The following BTG4 variants were observed in gnomAD, a reference collection of about 807,000 sequenced individuals.
BTG4 encodes BTG anti-proliferation factor 4, also known as protein BTG4.
Under a neutral mutation model 19.3 loss-of-function variants are expected in BTG4, and 10 were observed. That is an observed-to-expected ratio of 0.52 (90% CI 0.32 to 0.88). The LOEUF is 0.88. Ranked by LOEUF, BTG4 falls within the 40% of genes least tolerant of loss-of-function variation. BTG4 has a pLI of 0.04. For missense variants in BTG4, 238 were observed against 281.9 expected, an observed-to-expected ratio of 0.84 and a Z score of 1.11; for synonymous variants, 91 against 95.7, an observed-to-expected ratio of 0.95 and a Z score of 0.29.
chr11:111,480,694 T>C (rs1591473152), intron 5 of BTG4, among the ~76,000 whole-genome samples: 2 of 151,932 alleles, frequency 1.3e-5, no homozygotes, highest in East Asian at 3.9e-4. Context: ...AAAATACTTC[T>C]AAATAATCCA....
downstream of BTG4, among the ~76,000 whole-genome samples, chr11:111,493,033 C>G (rs1297572008): frequency 6.6e-6 from 1 of 152,166 alleles, no homozygotes; most frequent in African/African-American, 2.4e-5. Flanking sequence ...GTAGTCCCAG[C>G]TACTCTGGAG....
chr11:111,423,891 GAGCT>G, the BTG4 span, among the ~76,000 whole-genome samples: 1 of 152,096 alleles, frequency 6.6e-6, no homozygotes, highest in African/African-American at 2.4e-5. Context: ...TCCGAGGCCT[GAGCT>G]CCTTTCAGGG....
chr11:111,422,531 C>T, the BTG4 span, among the ~76,000 whole-genome samples: 1 of 152,208 alleles, frequency 6.6e-6, no homozygotes, highest in African/African-American at 2.4e-5. Context: ...GGCCACCAAG[C>T]GCAGGCTGGA....
chr11:111,451,264 C>T, the BTG4 span: 6 of 373,256 alleles, frequency 1.6e-5, no homozygotes, highest in South Asian at 1.2e-4. Context: ...TTCTATAACA[C>T]ACTGGAGCAA....
At chr11:111,412,958 G>C in the BTG4 span, among the ~76,000 whole-genome samples, 1 of 152,328 alleles carries the variant, frequency 6.6e-6, no homozygotes, top group African/African-American at 2.4e-5. Context: ...CAAATTTTAA[G>C]AGAGTCTTGT....
At chr11:111,398,538 C>T in the BTG4 span, among the ~76,000 whole-genome samples, 7 of 152,144 alleles carry the variant, frequency 4.6e-5, no homozygotes, top group Non-Finnish European at 1.0e-4. Flanking sequence ...ACTGCATGCT[C>T]TGCCTCCTGG....
At chr11:111,459,464 C>A in the BTG4 span, among the ~76,000 whole-genome samples, 2 of 152,228 alleles carry the variant, frequency 1.3e-5, no homozygotes, top group Admixed American at 1.3e-4. Flanking sequence ...TTCTTCCTTT[C>A]TGAATTCAGA....
At chr11:111,447,326 GTCT>G in the BTG4 span, among the ~76,000 whole-genome samples, 1 of 152,208 alleles carries the variant, frequency 6.6e-6, no homozygotes, top group African/African-American at 2.4e-5. Flanking sequence ...CTGGACCGCA[GTCT>G]TCTTTATAAA....
At chr11:111,467,448 T>C (rs983959761), downstream of BTG4, 2 of 478,136 alleles carry the variant, frequency 4.2e-6, no homozygotes, top group African/African-American at 4.0e-5. Flanking sequence ...TTTAAATTAA[T>C]GCCCCAATGC....
the BTG4 span, among the ~76,000 whole-genome samples, chr11:111,401,854 T>A: frequency 7.9e-5 from 12 of 152,332 alleles, no homozygotes; most frequent in East Asian, 2.3e-3. Context: ...TCAGAAAGTA[T>A]GTGTTGAGTG....
At chr11:111,386,726 G>T in the BTG4 span, among the ~76,000 whole-genome samples, 1 of 152,224 alleles carries the variant, frequency 6.6e-6, no homozygotes, top group Non-Finnish European at 1.5e-5. Context: ...TTTAGGTCCA[G>T]TTAGGACAGT....
chr11:111,396,461 A>G, the BTG4 span, among the ~76,000 whole-genome samples: 1 of 152,134 alleles, frequency 6.6e-6, no homozygotes, highest in African/African-American at 2.4e-5. Flanking sequence ...CAGAAAAGTG[A>G]CCACTAATTA....
chr11:111,395,122 T>C, the BTG4 span, among the ~76,000 whole-genome samples: 1 of 152,212 alleles, frequency 6.6e-6, no homozygotes, highest in Non-Finnish European at 1.5e-5. Flanking sequence ...AACCAGGAAG[T>C]AGGGAAGAAA....
chr11:111,384,354 GACA>G, the BTG4 span, among the ~76,000 whole-genome samples: 8 of 151,404 alleles, frequency 5.3e-5, no homozygotes, highest in East Asian at 1.6e-3. Flanking sequence ...AGGCCTCATG[GACA>G]ACAATAGAGA....
intron 5 of BTG4, among the ~76,000 whole-genome samples, chr11:111,474,560 A>T (rs375446100): frequency 6.6e-6 from 1 of 151,748 alleles, no homozygotes; most frequent in Non-Finnish European, 1.5e-5. Context: ...ATACATTACT[A>T]CTTACTCATT....
At chr11:111,484,206 CA>C (rs1441672968) in intron 5 of BTG4, among the ~76,000 whole-genome samples, 2 of 151,700 alleles carry the variant, frequency 1.3e-5, no homozygotes, top group Non-Finnish European at 2.9e-5. Context: ...ACCCACCTTA[CA>C]AGAAATCTAA....
At chr11:111,385,785 C>T in the BTG4 span, 5 of 152,118 alleles carry the variant, frequency 3.3e-5, no homozygotes, top group African/African-American at 1.2e-4. Flanking sequence ...TAGAAGGAAA[C>T]TTCCTTAACT....
the BTG4 span, among the ~76,000 whole-genome samples, chr11:111,427,766 T>C: frequency 6.6e-6 from 1 of 151,140 alleles, no homozygotes; most frequent in Non-Finnish European, 1.5e-5. Flanking sequence ...AGGGGAGGGG[T>C]CAGTCAAATG....
rs149648086 is a variant in BTG4, at chr11:111,497,227, G to A, written c.494C>T (p.Pro165Leu). ...ACTCTTGACCTGATAAATACTCTTCGGATTGCTGACTTTAGGAATGACACG... is the reference window on the plus strand; with the variant it reads ...ACTCTTGACCTGATAAATACTCTTCAGATTGCTGACTTTAGGAATGACACG... ...EPRVIPKVSNPKSIYQVENLK... is the reference protein window; with the variant it reads ...EPRVIPKVSNLKSIYQVENLK... The change falls in exon 4 of 5, where the codon CCG (proline) becomes CTG (leucine). Residue 165 changes from proline to leucine, a missense_variant. Pro to Leu is a moderately conservative substitution (Grantham distance 98). Coordinates refer to ENST00000692032, the MANE Select transcript of BTG4 (RefSeq NM_001367975.1). 67 of 1,612,750 alleles carry A rather than the reference G, an allele frequency of 4.2e-5. No homozygotes were observed. Among genetic ancestry groups the A allele is most frequent in the Non-Finnish European group, 4.0e-5 (47 of 1,179,460 alleles).
Sources: gnomAD v4.1 joint callset for allele counts (sites outside exome capture counted in the v4.1 genomes callset) on GRCh38, gnomAD v4.1.1 for gene constraint, MANE v1.5 for transcripts, NCBI Gene and HGNC (gene_info 2026-07-23, HGNC 2026-07-21) for gene names.